Variants in BMP5 observed in about 807,000 individuals in gnomAD.
BMP5 encodes bone morphogenetic protein 5.
A neutral mutation model predicts 46.6 loss-of-function variants in BMP5; 23 were observed. The ratio of observed to expected loss-of-function variants is 0.49; its 90% CI spans 0.35 to 0.70. The LOEUF (loss-of-function observed/expected upper bound fraction) is 0.70, where lower values mean the gene tolerates loss of function less well. Ranked by LOEUF, BMP5 falls within the 30% of genes least tolerant of loss-of-function variation. The pLI, the probability that BMP5 is intolerant of heterozygous loss-of-function variation, is 0.00. For synonymous variants in BMP5, 204 were observed against 191.9 expected (o/e 1.06, Z -0.52); for missense variants, 545 against 565.6 (o/e 0.96, Z 0.37).
intron 1 of BMP5, 39 bp from the exon 2 acceptor site, chr6:55,819,886 T>A (rs756871848): frequency 6.6e-7 from 1 of 1,505,046 alleles, no homozygotes; most frequent in African/African-American, 1.4e-5. Context: ...AAAAAGTTAG[T>A]CTTTTATAAA....
At chr6:55,798,900 AAGG>A (rs1422514857) in intron 2 of BMP5, among the ~76,000 whole-genome samples, 1 of 152,198 alleles carries the variant, frequency 6.6e-6, no homozygotes, top group African/African-American at 2.4e-5. Context: ...AAAATACCAG[AAGG>A]ACACTACACT....
At chr6:55,780,470 A>AAAAAAAAGAAAGAAAG (rs1554181020) in intron 3 of BMP5, among the ~76,000 whole-genome samples, 2 of 131,718 alleles carry the variant, frequency 1.5e-5, no homozygotes, top group Admixed American at 8.1e-5. Flanking sequence ...AAAAAAAAAA[A>AAAAAAAAGAAAGAAAG]AAAGAAAGAA....
intron 3 of BMP5, among the ~76,000 whole-genome samples, chr6:55,793,002 C>T (rs1458488071): frequency 6.6e-6 from 1 of 151,986 alleles, no homozygotes; most frequent in East Asian, 1.9e-4. Context: ...ATGTAGATCT[C>T]CATGATGTTT....
At chr6:55,864,954 G>T (rs920385416) in intron 1 of BMP5, among the ~76,000 whole-genome samples, 2 of 151,320 alleles carry the variant, frequency 1.3e-5, no homozygotes, top group Non-Finnish European at 2.9e-5. Context: ...AATACTTAAG[G>T]CTGAATGGTA....
chr6:55,796,630 C>T (rs1241693624), intron 2 of BMP5, among the ~76,000 whole-genome samples: 4 of 151,532 alleles, frequency 2.6e-5, no homozygotes, highest in Non-Finnish European at 4.4e-5. Context: ...AGGTATATCT[C>T]CCAATGCTAT....
chr6:55,863,011 T>C (rs938799836), intron 1 of BMP5, among the ~76,000 whole-genome samples: 1 of 152,218 alleles, frequency 6.6e-6, no homozygotes, highest in Non-Finnish European at 1.5e-5. Context: ...GGCACAAGAA[T>C]GAAGGATTCT....
chr6:55,867,214 C>T (rs562482065), intron 1 of BMP5, among the ~76,000 whole-genome samples: 3 of 152,072 alleles, frequency 2.0e-5, no homozygotes, highest in Non-Finnish European at 4.4e-5. Context: ...CTGTATCCCC[C>T]CCGCTGAGTA....
intron 1 of BMP5, among the ~76,000 whole-genome samples, chr6:55,871,947 C>A (rs1007394373): frequency 3.3e-5 from 5 of 151,744 alleles, no homozygotes; most frequent in Non-Finnish European, 1.5e-5. Context: ...AAAATAAAAT[C>A]TAATCCTTTT....
chr6:55,819,292 C>T (rs1776352255), intron 2 of BMP5, among the ~76,000 whole-genome samples: 1 of 152,136 alleles, frequency 6.6e-6, no homozygotes, highest in African/African-American at 2.4e-5. Flanking sequence ...TCTCTAACTT[C>T]CAGAACACCA....
intron 3 of BMP5, among the ~76,000 whole-genome samples, chr6:55,792,407 G>T (rs916454979): frequency 6.6e-6 from 1 of 151,984 alleles, no homozygotes; most frequent in Admixed American, 6.6e-5. Context: ...GGTGGCAGGC[G>T]CCTGTAGTCC....
intron 1 of BMP5, among the ~76,000 whole-genome samples, chr6:55,859,274 A>G (rs1777476178): frequency 1.3e-5 from 2 of 152,326 alleles, no homozygotes; most frequent in Admixed American, 1.3e-4. Flanking sequence ...AATGCATTAA[A>G]AAAGGTCACA....
chr6:55,763,827 A>G (rs1210525856), intron 4 of BMP5, among the ~76,000 whole-genome samples: 1 of 152,182 alleles, frequency 6.6e-6, no homozygotes, highest in Non-Finnish European at 1.5e-5. Flanking sequence ...ACATATTGCT[A>G]AATACTTTAT....
rs761958846 is a variant in BMP5, at chr6:55,760,524, G to A, written c.1037C>T (p.Thr346Ile). 9 of 1,612,938 alleles carry A rather than the reference G, an allele frequency of 5.6e-6. 1 individual carries two copies. In the South Asian group the frequency reaches 9.9e-5, roughly 18 times the overall value. The change falls in exon 5 of 7, where the codon ACA becomes ATA. Residue 346 changes from threonine (T) to isoleucine (I), a missense_variant. Transcript: ENST00000370830. ...SRMSSVGDYN[T>I]SEQKQACKKH... ...CTTACAGGCTTGTTTTTGCTCACTTGTGTTATAATCTGAAGATAAAAACCA... is the reference window on the plus strand; with the variant it reads ...CTTACAGGCTTGTTTTTGCTCACTTATGTTATAATCTGAAGATAAAAACCA...
At chr6:55,802,491 C>T (rs1775872842) in intron 2 of BMP5, among the ~76,000 whole-genome samples, 1 of 152,026 alleles carries the variant, frequency 6.6e-6, no homozygotes, top group South Asian at 2.1e-4. Flanking sequence ...TCATTGCAGG[C>T]ATTATCGCTA....
At position 55,874,364 on chromosome 6, in the gene BMP5, T is replaced by C. The variant is rs1298750472; in HGVS notation, c.490+12A>G. 6.2e-7 allele frequency: 1 copy of C among 1,612,870 alleles called. No individual in the cohort carries two copies. The highest frequency in any genetic ancestry group is 2.2e-5 in the East Asian group (1 of 44,804). On this transcript the variant is annotated intron_variant, in intron 1 of 6. Transcript: ENST00000370830. ...GTAATAACATAGATTAACAAACAAA[T>C]GAACAACATACCTAAGTTGACAAAG...
chr6:55,837,369 A>AGACAGATAGATG (rs1319376973), intron 1 of BMP5, among the ~76,000 whole-genome samples: 4 of 148,972 alleles, frequency 2.7e-5, no homozygotes, highest in African/African-American at 1.0e-4. Flanking sequence ...ATAGATAGAT[A>AGACAGATAGATG]GATAGATAGA....
chr6:55,765,101 A>G (rs1304109263), intron 4 of BMP5, among the ~76,000 whole-genome samples: 1 of 152,156 alleles, frequency 6.6e-6, no homozygotes, highest in Non-Finnish European at 1.5e-5. Flanking sequence ...ATCAATAAAA[A>G]CAAATTCCAG....
chr6:55,788,576 T>C (rs961058966), intron 3 of BMP5, among the ~76,000 whole-genome samples: 7 of 151,798 alleles, frequency 4.6e-5, no homozygotes, highest in African/African-American at 1.4e-4. Flanking sequence ...CCAGAGCTAA[T>C]GTAAGTGAAA....
chr6:55,840,671 T>C (rs1291397309), intron 1 of BMP5, among the ~76,000 whole-genome samples: 1 of 152,232 alleles, frequency 6.6e-6, no homozygotes, highest in Non-Finnish European at 1.5e-5. Flanking sequence ...GATTTTTATC[T>C]TTTTAAAGTA....
Sources: allele counts gnomAD v4.1 joint callset (sites outside exome capture counted in the v4.1 genomes callset), GRCh38; gene constraint gnomAD v4.1.1; transcripts MANE v1.5; gene names NCBI Gene and HGNC (gene_info 2026-07-23, HGNC 2026-07-21).